RELN: variants seen among roughly 807,000 people sequenced by gnomAD.
RELN encodes the protein reelin.
A neutral mutation model predicts 427.6 loss-of-function variants in RELN; 108 were observed. The observed-to-expected ratio is 0.25, with a 90% CI of 0.22 to 0.30. RELN has a LOEUF of 0.30. Among genes scored for constraint, RELN ranks in the 10% least tolerant of loss-of-function variants. The probability of loss-of-function intolerance (pLI) is 1.00; values close to 1 mark genes in which losing one functional copy is unlikely to be tolerated. For missense variants in RELN, 3,715 were observed against 4,302.8 expected (o/e 0.86, Z 3.82); for synonymous variants, 1,524 against 1,513.4 (o/e 1.01, Z -0.16).
intron 9 of RELN, among the ~76,000 whole-genome samples, chr7:103,698,752 T>C (rs1401951217): frequency 6.6e-6 from 1 of 152,094 alleles, no homozygotes; most frequent in African/African-American, 2.4e-5. Context: ...TGGGCTCAAG[T>C]GATCCTTCTG....
In RELN at chr7:103,833,539, G is replaced by T. The variant is rs773140746; in HGVS notation, c.471C>A (p.Phe157Leu). 6.2e-7 allele frequency: 1 copy of T among 1,613,970 alleles called. No individual in the cohort carries two copies. Among genetic ancestry groups the T allele is most frequent in the Non-Finnish European group, 8.5e-7 (1 of 1,179,882 alleles). Reference sequence around the variant, plus strand: ...TGGCAGACACTTTGGGTACTTACATGAAATTCACACAGCCTGTGCCCGCAG... The same window carrying T: ...TGGCAGACACTTTGGGTACTTACATTAAATTCACACAGCCTGTGCCCGCAG... ...APPAGTGCVN[F>L]MATATHRGQV... Residue 157 changes from phenylalanine to leucine, a missense_variant and splice_region_variant, in exon 3 of 65, where the codon TTC becomes TTA. Coordinates refer to ENST00000428762, the MANE Select transcript of RELN (RefSeq NM_005045.4).
chr7:103,857,917 T>G (rs553435773), intron 2 of RELN, among the ~76,000 whole-genome samples: 2 of 152,312 alleles, frequency 1.3e-5, no homozygotes, highest in Admixed American at 1.3e-4. Flanking sequence ...GTTAATTTTT[T>G]ACATTTCTCT....
chr7:103,963,664 A>G (rs1194793974), intron 1 of RELN, among the ~76,000 whole-genome samples: 1 of 152,214 alleles, frequency 6.6e-6, no homozygotes, highest in African/African-American at 2.4e-5. Flanking sequence ...ATAGCAATGC[A>G]CAGGTGTTAA....
In RELN at chr7:103,659,231, G is replaced by C. The variant is rs546130190; in HGVS notation, c.1441+2145C>G. Among the ~76,000 whole-genome samples, 131 of 151,854 alleles carry C rather than the reference G, an allele frequency of 8.6e-4. 2 individuals carry two copies. Among genetic ancestry groups the C allele is most frequent in the South Asian group, 7.1e-3 (34 of 4,794 alleles). ...TAAATCTAGCAACCCTGCCCTAACT[G>C]ATCTCTTGCCCTTTAATTTCTGATT... On this transcript the variant is annotated intron_variant, in intron 12 of 64. Coordinates refer to ENST00000428762, the MANE Select transcript of RELN (RefSeq NM_005045.4).
intron 6 of RELN, among the ~76,000 whole-genome samples, chr7:103,745,591 C>CA (rs1303647805): frequency 1.3e-5 from 2 of 151,470 alleles, no homozygotes; most frequent in Non-Finnish European, 2.9e-5. Flanking sequence ...AATCAATGTG[C>CA]AAAAATCACA....
At chr7:103,581,603 C>T (rs1033225848) in intron 28 of RELN, among the ~76,000 whole-genome samples, 4 of 152,152 alleles carry the variant, frequency 2.6e-5, no homozygotes, top group African/African-American at 9.6e-5. Flanking sequence ...AATAATGCCT[C>T]CCACTTAATC....
intron 1 of RELN, among the ~76,000 whole-genome samples, chr7:103,977,876 G>A (rs1015001742): frequency 1.3e-5 from 2 of 152,088 alleles, no homozygotes; most frequent in Non-Finnish European, 2.9e-5. Flanking sequence ...TAAAATTTAC[G>A]CTTTTCCAAG....
chr7:103,534,815 T>G (rs1830014553), intron 46 of RELN, among the ~76,000 whole-genome samples: 1 of 152,182 alleles, frequency 6.6e-6, no homozygotes, highest in African/African-American at 2.4e-5. Context: ...AAATAATGCT[T>G]CAGGTGATAA....
intron 4 of RELN, among the ~76,000 whole-genome samples, chr7:103,772,988 A>C (rs549178451): frequency 2.0e-5 from 3 of 152,274 alleles, no homozygotes; most frequent in Non-Finnish European, 4.4e-5. Flanking sequence ...TGAAAATAGG[A>C]GCAGAAAAAT....
At chr7:103,739,002 A>G (rs1790569498) in intron 6 of RELN, among the ~76,000 whole-genome samples, 1 of 152,058 alleles carries the variant, frequency 6.6e-6, no homozygotes. Flanking sequence ...CATTCAACTT[A>G]AAATTTTTGA....
chr7:103,723,177 A>G lies in RELN; in HGVS notation c.768T>C (p.Leu256=). 6.3e-7 allele frequency: 1 copy of G among 1,582,054 alleles called. No homozygotes were observed. Among genetic ancestry groups the G allele is most frequent in the Non-Finnish European group, 8.7e-7 (1 of 1,151,244 alleles). The change falls in exon 8 of 65, where the codon CTT becomes CTC. Residue 256 remains leucine, a synonymous_variant. Coordinates refer to ENST00000428762, the MANE Select transcript of RELN (RefSeq NM_005045.4). ...YGPRELITTG[L]NTTTASVLQF... is the part of the protein sequence containing the mutation. ...GGAGGACAGAAGCTGTTGTTGTATT[A>G]AGGCCTGTGGTAATCTAAAGAAAAA...
chr7:103,711,703 C>A (rs1789806148), intron 8 of RELN, among the ~76,000 whole-genome samples: 1 of 152,120 alleles, frequency 6.6e-6, no homozygotes, highest in African/African-American at 2.4e-5. Context: ...GTTGCCCAGG[C>A]TGGAGTGCAG....
At chr7:103,791,887 A>G (rs1437104069) in intron 3 of RELN, among the ~76,000 whole-genome samples, 1 of 152,184 alleles carries the variant, frequency 6.6e-6, no homozygotes, top group Non-Finnish European at 1.5e-5. Flanking sequence ...TCAATAAAAA[A>G]TAAGTAACTC....
At chr7:103,699,276 T>C (rs182499230) in intron 9 of RELN, among the ~76,000 whole-genome samples, 15 of 152,234 alleles carry the variant, frequency 9.9e-5, no homozygotes, top group Non-Finnish European at 1.9e-4. Flanking sequence ...CACATATATA[T>C]CCGTAAAATT....
At chr7:103,552,571 C>T (rs1004734144) in intron 40 of RELN, among the ~76,000 whole-genome samples, 6 of 146,594 alleles carry the variant, frequency 4.1e-5, no homozygotes, top group Non-Finnish European at 5.9e-5. Context: ...GGCACAATCT[C>T]GGCTCACTGC....
At chr7:103,935,982 C>T (rs760548608) in intron 1 of RELN, among the ~76,000 whole-genome samples, 33 of 152,176 alleles carry the variant, frequency 2.2e-4, no homozygotes, top group Non-Finnish European at 3.8e-4. Flanking sequence ...CTCAACCACA[C>T]CCATTCCTAA....
chr7:103,600,862 C>G (rs539717345), intron 24 of RELN, among the ~76,000 whole-genome samples: 86 of 152,200 alleles, frequency 5.7e-4, no homozygotes, highest in African/African-American at 2.0e-3. Flanking sequence ...TCATAAAATT[C>G]AACTATGATA....
At chr7:103,624,113 T>G (rs1417707744) in intron 20 of RELN, among the ~76,000 whole-genome samples, 7 of 152,172 alleles carry the variant, frequency 4.6e-5, no homozygotes, top group African/African-American at 1.7e-4. Flanking sequence ...TAGGATCCTT[T>G]TTAATCTGGG....
At position 103,589,706 on chromosome 7, in the gene RELN, T is replaced by C. The variant is rs1271106312; in HGVS notation, c.4035A>G (p.Lys1345=). Residue 1345 remains lysine (K), a synonymous_variant, in exon 28 of 65, where the codon AAA becomes AAG. Coordinates refer to ENST00000428762, the MANE Select transcript of RELN (RefSeq NM_005045.4). ...GTTCTCTGGAGTTTCCTTCGCATCCTTTGCCTGCAGAAGCCGGGTAACAGC... is the reference window on the plus strand; with the variant it reads ...GTTCTCTGGAGTTTCCTTCGCATCCCTTGCCTGCAGAAGCCGGGTAACAGC... ...KEGCYPASAG[K]GCEGNSRELS... 1 of 1,613,982 alleles carries C rather than the reference T, an allele frequency of 6.2e-7. No individual in the cohort carries two copies. The highest frequency in any genetic ancestry group is 8.5e-7 in the Non-Finnish European group (1 of 1,179,868).
Sources: allele counts gnomAD v4.1 joint callset (sites outside exome capture counted in the v4.1 genomes callset), GRCh38; gene constraint gnomAD v4.1.1; transcripts MANE v1.5; gene names NCBI Gene and HGNC (gene_info 2026-07-23, HGNC 2026-07-21).